Variants in RTN4 observed in about 807,000 individuals in gnomAD.
The protein encoded by RTN4 is reticulon-4.
RTN4 carries 32 observed loss-of-function variants against 90.4 expected under a neutral mutation model. The ratio of observed to expected loss-of-function variants is 0.35; its 90% CI spans 0.27 to 0.48. RTN4 has a LOEUF of 0.48. RTN4 is among the 20% of genes least tolerant of loss of function. RTN4 has a pLI of 0.99. For missense variants in RTN4, 1,706 were observed against 1,430.2 expected (o/e 1.19, Z -3.11); for synonymous variants, 629 against 552.5 (o/e 1.14, Z -1.94).
intron 1 of RTN4, among the ~76,000 whole-genome samples, chr2:55,102,573 G>A (rs1573518435): frequency 6.6e-6 from 1 of 151,904 alleles, no homozygotes; most frequent in East Asian, 1.9e-4. Context: ...TCCTTAGTTG[G>A]CAGACCTCAC....
chr2:55,137,725 T>C, the RTN4 span, among the ~76,000 whole-genome samples: 1 of 152,012 alleles, frequency 6.6e-6, no homozygotes, highest in African/African-American at 2.4e-5. Flanking sequence ...CATGGCGCTC[T>C]CTCCACCTCC....
intron 3 of RTN4, among the ~76,000 whole-genome samples, chr2:55,022,191 G>A (rs558296907): frequency 3.3e-5 from 5 of 152,292 alleles, no homozygotes; most frequent in Admixed American, 6.5e-5. Flanking sequence ...AGTTTTGGGA[G>A]GAAGCACTAG....
intron 1 of RTN4, among the ~76,000 whole-genome samples, chr2:55,083,300 A>C (rs1287572202): frequency 6.6e-6 from 1 of 152,226 alleles, no homozygotes. Flanking sequence ...GTTTGAGACC[A>C]GCCTGGCCAA....
intron 1 of RTN4, among the ~76,000 whole-genome samples, chr2:55,097,812 G>T (rs1226633277): frequency 6.6e-6 from 1 of 152,058 alleles, no homozygotes; most frequent in Non-Finnish European, 1.5e-5. Context: ...ATAGAGGTCA[G>T]GGCTGGAGAT....
chr2:55,104,527 T>G (rs541793943), intron 1 of RTN4, among the ~76,000 whole-genome samples: 4 of 152,002 alleles, frequency 2.6e-5, no homozygotes, highest in Admixed American at 2.6e-4. Flanking sequence ...ATTTTTGTAT[T>G]CTTAATAGAG....
the RTN4 span, among the ~76,000 whole-genome samples, chr2:55,129,848 A>G: frequency 6.6e-6 from 1 of 152,196 alleles, no homozygotes; most frequent in African/African-American, 2.4e-5. Flanking sequence ...GGCGTGAGCC[A>G]CCGTGCCCGG....
intron 3 of RTN4, among the ~76,000 whole-genome samples, chr2:55,000,003 T>C (rs557761306): frequency 2.0e-5 from 3 of 152,268 alleles, no homozygotes; most frequent in African/African-American, 7.2e-5. Flanking sequence ...TTTCCCTGTG[T>C]GTAAAATTAG....
intron 1 of RTN4, among the ~76,000 whole-genome samples, chr2:55,097,693 G>A (rs757078111): frequency 3.3e-5 from 5 of 152,120 alleles, no homozygotes; most frequent in African/African-American, 1.2e-4. Context: ...TATGAGAGAC[G>A]GAATAGGTTG....
the RTN4 span, among the ~76,000 whole-genome samples, chr2:55,130,311 A>C: frequency 9.2e-5 from 14 of 152,356 alleles, no homozygotes; most frequent in East Asian, 2.5e-3. Flanking sequence ...TAAACCATAC[A>C]TTTCTATAGG....
At chr2:55,135,765 T>C in the RTN4 span, among the ~76,000 whole-genome samples, 1 of 152,228 alleles carries the variant, frequency 6.6e-6, no homozygotes, top group African/African-American at 2.4e-5. Flanking sequence ...TAATTACTGA[T>C]CTGCATATGG....
intron 3 of RTN4, among the ~76,000 whole-genome samples, chr2:54,992,813 T>C (rs1373811893): frequency 6.6e-6 from 1 of 152,032 alleles, no homozygotes; most frequent in Non-Finnish European, 1.5e-5. Flanking sequence ...CTCACGCCTG[T>C]AATCTCAGCA....
At chr2:55,080,422 G>C (rs576154703) in intron 2 of RTN4, 4 of 151,342 alleles carry the variant, frequency 2.6e-5, no homozygotes, top group Non-Finnish European at 4.4e-5. Context: ...AATTTAATTT[G>C]ATATAAAAAA....
chr2:55,049,648 G>T, intron 1 of RTN4, 97 bp downstream of exon 1: 2 of 1,526,522 alleles, frequency 1.3e-6, no homozygotes, highest in Non-Finnish European at 8.8e-7. Flanking sequence ...AGCGCCCTCG[G>T]GGCGGAGAGG....
rs756006681 is a variant in RTN4 at position 55,050,009 on chromosome 2, G to A, written c.292C>T (p.Pro98Ser). Reference sequence around the variant, plus strand: ...GGCTGCCGCTCCGGGGCGACGGGGGGAGCGGCCGGCAGGGGTCCCCGGGGC... The same window carrying A: ...GGCTGCCGCTCCGGGGCGACGGGGGAAGCGGCCGGCAGGGGTCCCCGGGGC... ...PAPRGPLPAAPPVAPERQPSW... is the reference protein window; with the variant it reads ...PAPRGPLPAASPVAPERQPSW... The change falls in exon 1 of 9, where the codon CCC (proline) becomes TCC (serine). Residue 98 changes from proline to serine, a missense_variant. Coordinates refer to ENST00000337526, the MANE Select transcript of RTN4 (RefSeq NM_020532.5). This position sits in a 1 kb window ranked among gnomAD's most constrained non-coding sequence, Gnocchi z 4.6. 10 of 1,380,512 alleles carry A rather than the reference G, an allele frequency of 7.2e-6. No individual in the cohort carries two copies. Among genetic ancestry groups the A allele is most frequent in the East Asian group, 3.0e-5 (1 of 33,162 alleles). The allele number at this position is 1,380,512 out of a possible 1,614,324, so 85.5% of individuals were successfully genotyped here. A position where few individuals can be genotyped will look rare whatever the true frequency, so the allele number is the denominator to read the frequency against.
chr2:55,030,932 A>G (rs1682267373), intron 1 of RTN4, among the ~76,000 whole-genome samples: 1 of 152,184 alleles, frequency 6.6e-6, no homozygotes, highest in African/African-American at 2.4e-5. Context: ...TTACAATGTA[A>G]CAACATTTAT....
intron 1 of RTN4, among the ~76,000 whole-genome samples, chr2:55,084,042 A>G (rs1668789894): frequency 6.6e-6 from 1 of 152,230 alleles, no homozygotes. Flanking sequence ...CCAACCCATG[A>G]TTAAAAGTTT....
intron 3 of RTN4, among the ~76,000 whole-genome samples, chr2:55,002,460 G>A (rs1679919006): frequency 2.6e-5 from 4 of 152,114 alleles, no homozygotes; most frequent in Admixed American, 6.5e-5. Flanking sequence ...AGGATAACAC[G>A]AATTTCTCTA....
chr2:54,987,604 A>G lies in RTN4; in HGVS notation c.3108T>C (p.Ile1036=), dbSNP rs1573305001. ...FLLLSLTVFS[I]VSVTAYIALA... ...AGGCAATGTAGGCTGTTACGCTCACAATGCTGAATACTGTCAATGAAAGCA... is the reference window on the plus strand; with the variant it reads ...AGGCAATGTAGGCTGTTACGCTCACGATGCTGAATACTGTCAATGAAAGCA... Residue 1036 remains isoleucine (I), a synonymous_variant, in exon 4 of 9, where the codon ATT becomes ATC. Transcript: ENST00000337526. 1.2e-6 allele frequency: 2 copies of G among 1,614,174 alleles called. No homozygotes were observed. The highest frequency in any genetic ancestry group is 1.7e-6 in the Non-Finnish European group (2 of 1,179,992).
chr2:55,047,158 C>T (rs1480121500), intron 1 of RTN4, among the ~76,000 whole-genome samples: 1 of 151,954 alleles, frequency 6.6e-6, no homozygotes, highest in East Asian at 1.9e-4. Flanking sequence ...GGTAAAATCC[C>T]GTCTCTACTA....
Sources: gnomAD v4.1 joint callset for allele counts (sites outside exome capture counted in the v4.1 genomes callset) on GRCh38, gnomAD v4.1.1 for gene constraint, Gnocchi (gnomAD v3.1) non-coding constraint, MANE v1.5 for transcripts, NCBI Gene and HGNC (gene_info 2026-07-23, HGNC 2026-07-21) for gene names.